Variants in CNTNAP5 observed in about 807,000 individuals in gnomAD.
CNTNAP5 encodes contactin associated protein family member 5.
A neutral mutation model predicts 150.2 loss-of-function variants in CNTNAP5; 72 were observed. The ratio of observed to expected loss-of-function variants is 0.48; its 90% CI spans 0.40 to 0.58. CNTNAP5 has a LOEUF of 0.58. Ranked by LOEUF, CNTNAP5 falls within the 20% of genes least tolerant of loss-of-function variation. The probability of loss-of-function intolerance (pLI) is 0.00; values close to 1 mark genes in which losing one functional copy is unlikely to be tolerated. For synonymous variants in CNTNAP5, 672 were observed against 619.8 expected, an observed-to-expected ratio of 1.08 and a Z score of -1.25; for missense variants, 1,636 against 1,626.2, an observed-to-expected ratio of 1.01 and a Z score of -0.10.
chr2:124,668,247 G>T (rs1316228292), intron 13 of CNTNAP5, among the ~76,000 whole-genome samples: 1 of 152,222 alleles, frequency 6.6e-6, no homozygotes, highest in African/African-American at 2.4e-5. Flanking sequence ...TGGCATCCGG[G>T]GCTTCTGCAG....
Position 124,914,274 on chromosome 2 carries a change from G to A in CNTNAP5, c.3910G>A (p.Glu1304Lys). 6.2e-7 allele frequency: 1 copy of A among 1,610,480 alleles called. No homozygotes were observed. Among genetic ancestry groups the A allele is most frequent in the Non-Finnish European group, 8.5e-7 (1 of 1,177,708 alleles). The change falls in exon 24 of 24, where the codon GAA (glutamate) becomes AAA (lysine). Residue 1304 changes from glutamate (E) to lysine (K), a missense_variant. Coordinates refer to ENST00000682447, the MANE Select transcript of CNTNAP5 (RefSeq NM_001367498.1). ...LQNTVSECKREYFI is the reference protein window; with the variant it reads ...LQNTVSECKRKYFI Reference sequence around the variant, plus strand: ...AAACACAGTGAGCGAGTGTAAACGGGAATATTTCATCTGAGAAACTGCAGG... The same window carrying A: ...AAACACAGTGAGCGAGTGTAAACGGAAATATTTCATCTGAGAAACTGCAGG...
chr2:124,437,298 C>T (rs994769028), intron 5 of CNTNAP5, among the ~76,000 whole-genome samples: 1 of 152,174 alleles, frequency 6.6e-6, no homozygotes, highest in Non-Finnish European at 1.5e-5. Context: ...ACCACTCTCT[C>T]TGACAATGGG....
At chr2:124,717,423 T>A (rs537107528) in intron 13 of CNTNAP5, among the ~76,000 whole-genome samples, 53 of 152,354 alleles carry the variant, frequency 3.5e-4, no homozygotes, top group African/African-American at 1.3e-3. Flanking sequence ...CCATAGCACC[T>A]GCCTAGAGGC....
intron 8 of CNTNAP5, among the ~76,000 whole-genome samples, chr2:124,522,316 A>T (rs1285289953): frequency 6.6e-6 from 1 of 152,162 alleles, no homozygotes; most frequent in Admixed American, 6.5e-5. Context: ...ATAGCTCTGA[A>T]TCCATCACTT....
At chr2:124,191,953 G>A (rs926693448) in intron 1 of CNTNAP5, among the ~76,000 whole-genome samples, 3 of 151,776 alleles carry the variant, frequency 2.0e-5, no homozygotes, top group Non-Finnish European at 2.9e-5. Flanking sequence ...ACTCTCCCTA[G>A]CAGGCTTTAA....
chr2:124,089,497 C>T (rs552047426), intron 1 of CNTNAP5, among the ~76,000 whole-genome samples: 9 of 152,230 alleles, frequency 5.9e-5, no homozygotes, highest in African/African-American at 1.9e-4. Flanking sequence ...GGCTCACTTA[C>T]CAGCTCCATT....
chr2:124,060,708 C>CA (rs1681986562), intron 1 of CNTNAP5, among the ~76,000 whole-genome samples: 1 of 152,134 alleles, frequency 6.6e-6, no homozygotes, highest in African/African-American at 2.4e-5. Flanking sequence ...TTACAGAAGA[C>CA]AAAATCCATA....
At chr2:124,333,798 G>A (rs938254171) in intron 3 of CNTNAP5, among the ~76,000 whole-genome samples, 7 of 152,136 alleles carry the variant, frequency 4.6e-5, no homozygotes, top group African/African-American at 1.2e-4. Context: ...GTAAAAGACA[G>A]GTGTAACTGG....
intron 3 of CNTNAP5, among the ~76,000 whole-genome samples, chr2:124,346,239 C>A (rs1485068876): frequency 6.6e-6 from 1 of 152,122 alleles, no homozygotes; most frequent in Non-Finnish European, 1.5e-5. Context: ...CATAACACTG[C>A]AGCACTGGAG....
At chr2:124,715,479 G>C (rs1037546606) in intron 13 of CNTNAP5, among the ~76,000 whole-genome samples, 3 of 151,922 alleles carry the variant, frequency 2.0e-5, no homozygotes, top group Non-Finnish European at 4.4e-5. Flanking sequence ...TTCCCACTGA[G>C]GCTGGAATAC....
intron 3 of CNTNAP5, among the ~76,000 whole-genome samples, chr2:124,300,818 CA>C (rs1480313590): frequency 6.6e-6 from 1 of 152,128 alleles, no homozygotes; most frequent in East Asian, 1.9e-4. Flanking sequence ...GATGATTAAA[CA>C]AAGGTAACCA....
intron 1 of CNTNAP5, among the ~76,000 whole-genome samples, chr2:124,181,775 A>T (rs1685214962): frequency 6.6e-6 from 1 of 152,240 alleles, no homozygotes; most frequent in East Asian, 1.9e-4. Flanking sequence ...AACTAAGATT[A>T]TAAATGCGCT....
At chr2:124,229,579 T>A (rs1686561802) in intron 2 of CNTNAP5, among the ~76,000 whole-genome samples, 1 of 152,188 alleles carries the variant, frequency 6.6e-6, no homozygotes, top group Non-Finnish European at 1.5e-5. Flanking sequence ...GGAGGTCAGA[T>A]CACCATTAAC....
At chr2:124,087,003 C>A (rs1166481771) in intron 1 of CNTNAP5, among the ~76,000 whole-genome samples, 1 of 151,674 alleles carries the variant, frequency 6.6e-6, no homozygotes, top group East Asian at 1.9e-4. Flanking sequence ...AGGTATTACA[C>A]CCTATTTTAT....
chr2:124,147,407 A>C (rs183896930), intron 1 of CNTNAP5, among the ~76,000 whole-genome samples: 1 of 152,336 alleles, frequency 6.6e-6, no homozygotes, highest in East Asian at 1.9e-4. Flanking sequence ...TATTCATACA[A>C]AGCGGAATAA....
intron 17 of CNTNAP5, among the ~76,000 whole-genome samples, chr2:124,775,128 C>T (rs1297162979): frequency 6.6e-6 from 1 of 152,162 alleles, no homozygotes; most frequent in Non-Finnish European, 1.5e-5. Flanking sequence ...TGTTGGAGGT[C>T]ACTTTAATGG....
chr2:124,077,739 C>T (rs1682471552), intron 1 of CNTNAP5, among the ~76,000 whole-genome samples: 2 of 152,172 alleles, frequency 1.3e-5, no homozygotes, highest in Non-Finnish European at 1.5e-5. Context: ...ATAAGATGGT[C>T]TCTAATACCA....
intron 6 of CNTNAP5, among the ~76,000 whole-genome samples, chr2:124,471,933 G>T (rs2104830949): frequency 6.6e-6 from 1 of 152,116 alleles, no homozygotes; most frequent in Non-Finnish European, 1.5e-5. Context: ...ATCAACAAAG[G>T]AGATTTTGTA....
chr2:124,712,716 A>G (rs746671551), intron 13 of CNTNAP5, among the ~76,000 whole-genome samples: 2 of 151,668 alleles, frequency 1.3e-5, no homozygotes, highest in African/African-American at 2.4e-5. Context: ...GTGTCCTCAC[A>G]TGGTGGAAGA....
Sources: allele counts gnomAD v4.1 joint callset (sites outside exome capture counted in the v4.1 genomes callset), GRCh38; gene constraint gnomAD v4.1.1; transcripts MANE v1.5; gene names NCBI Gene and HGNC (gene_info 2026-07-23, HGNC 2026-07-21).